Variants in RUNDC3B observed in about 807,000 individuals in gnomAD.
The protein encoded by RUNDC3B is RUN domain containing 3B, also known as RUN domain-containing protein 3B.
In RUNDC3B, 33 loss-of-function variants were observed where a neutral mutation model predicts 58.4. The ratio of observed to expected loss-of-function variants is 0.56; its 90% CI spans 0.43 to 0.75. The LOEUF is 0.75. Ranked by LOEUF, RUNDC3B falls within the 30% of genes least tolerant of loss-of-function variation. The pLI is 0.00. For synonymous variants in RUNDC3B, 193 were observed against 195.2 expected, an observed-to-expected ratio of 0.99 and a Z score of 0.10; for missense variants, 501 against 535.7, an observed-to-expected ratio of 0.94 and a Z score of 0.64.
intron 4 of RUNDC3B, among the ~76,000 whole-genome samples, chr7:87,720,574 G>GTT (rs1830822046): frequency 8.1e-6 from 1 of 122,968 alleles, no homozygotes; most frequent in South Asian, 2.8e-4. Context: ...GTGTGTGTGT[G>GTT]TATGCAATAA....
chr7:87,740,395 T>A (rs983580059), intron 5 of RUNDC3B, among the ~76,000 whole-genome samples: 1 of 152,118 alleles, frequency 6.6e-6, no homozygotes, highest in East Asian at 1.9e-4. Flanking sequence ...GGTTCTACAC[T>A]AAAATAACAA....
chr7:87,811,065 TTA>T (rs1836688384), intron 9 of RUNDC3B, among the ~76,000 whole-genome samples: 1 of 152,164 alleles, frequency 6.6e-6, no homozygotes, highest in Non-Finnish European at 1.5e-5. Flanking sequence ...TTTAATATCT[TTA>T]TATATATGTA....
At chr7:87,752,473 T>G (rs1457169668) in intron 6 of RUNDC3B, among the ~76,000 whole-genome samples, 1 of 152,184 alleles carries the variant, frequency 6.6e-6, no homozygotes, top group East Asian at 1.9e-4. Context: ...CATGTACCTC[T>G]GGTAGAATTC....
intron 1 of RUNDC3B, among the ~76,000 whole-genome samples, chr7:87,640,349 CTTTTTA>C (rs886323606): frequency 6.6e-6 from 1 of 151,432 alleles, no homozygotes; most frequent in Non-Finnish European, 1.5e-5. Context: ...CTTCTTTTTA[CTTTTTA>C]TTTTTATTTT....
At chr7:87,637,254 T>C (rs2130253444) in intron 1 of RUNDC3B, among the ~76,000 whole-genome samples, 1 of 152,340 alleles carries the variant, frequency 6.6e-6, no homozygotes, top group East Asian at 1.9e-4. Flanking sequence ...TGTGGTCTGT[T>C]TCTAGACTTT....
In RUNDC3B at chr7:87,633,258, C is replaced by T. The variant is rs146155509; in HGVS notation, c.122+4313C>T. 4.5e-3 allele frequency among the ~76,000 whole-genome samples: 692 copies of T among 152,258 alleles called. 5 individuals are homozygous for T. Among genetic ancestry groups the T allele is most frequent in the African/African-American group, 0.016 (653 of 41,554 alleles). On this transcript the variant is annotated intron_variant, in intron 1 of 10. Transcript: ENST00000394654. ...TTTGTATAACTGAAATTTATTTAAG[C>T]GCACAAGTTTAATCCACAACACATA...
At chr7:87,809,182 A>C (rs1340868094) in intron 9 of RUNDC3B, among the ~76,000 whole-genome samples, 1 of 152,138 alleles carries the variant, frequency 6.6e-6, no homozygotes, top group Non-Finnish European at 1.5e-5. Flanking sequence ...AGGCAAGGAA[A>C]CTTCCTGTTC....
chr7:87,830,154 G>C lies in RUNDC3B; in HGVS notation c.*124G>C. The C allele has an allele frequency of 2.2e-6, 1 of 450,750 alleles. No individual in the cohort carries two copies. The highest frequency in any genetic ancestry group is 7.6e-5 in the South Asian group (1 of 13,140). The allele number at this position is 450,750 out of a possible 1,614,324, so 27.9% of individuals were successfully genotyped here. A position where few individuals can be genotyped will look rare whatever the true frequency, so the allele number is the denominator to read the frequency against. ...CATGTCTGAAATTCTATTGCTTGGA[G>C]AGAATCCCCTCCAGATAAGAGATTT... On this transcript the variant is annotated 3_prime_UTR_variant, in exon 11 of 11. Coordinates refer to ENST00000394654, the MANE Select transcript of RUNDC3B (RefSeq NM_001134405.2).
chr7:87,701,002 T>C (rs1585139909), intron 3 of RUNDC3B, among the ~76,000 whole-genome samples: 3 of 152,210 alleles, frequency 2.0e-5, no homozygotes, highest in East Asian at 3.8e-4. Context: ...AGAATGACCA[T>C]GATGGTGCGG....
intron 6 of RUNDC3B, among the ~76,000 whole-genome samples, chr7:87,746,194 T>G (rs558592428): frequency 8.5e-5 from 13 of 152,302 alleles, no homozygotes; most frequent in African/African-American, 3.1e-4. Flanking sequence ...TTTCTTAAAT[T>G]TATTGAGGTT....
chr7:87,644,955 G>T (rs547601954), intron 1 of RUNDC3B, among the ~76,000 whole-genome samples: 2 of 151,992 alleles, frequency 1.3e-5, no homozygotes, highest in South Asian at 4.2e-4. Flanking sequence ...ATGTAATATG[G>T]ATGTAATTAA....
chr7:87,637,759 C>A (rs1025093800), intron 1 of RUNDC3B, among the ~76,000 whole-genome samples: 1 of 152,026 alleles, frequency 6.6e-6, no homozygotes, highest in South Asian at 2.1e-4. Context: ...AAATACTGGT[C>A]TTATATCTAA....
intron 4 of RUNDC3B, among the ~76,000 whole-genome samples, chr7:87,728,281 C>G (rs1831365725): frequency 6.6e-6 from 1 of 152,160 alleles, no homozygotes; most frequent in African/African-American, 2.4e-5. Flanking sequence ...AGTCAAAACA[C>G]TTCAAACTTT....
chr7:87,798,182 G>T (rs560886624), intron 8 of RUNDC3B, among the ~76,000 whole-genome samples: 45 of 152,204 alleles, frequency 3.0e-4, no homozygotes, highest in African/African-American at 9.9e-4. Flanking sequence ...TCAGTTTGTT[G>T]TTGTTAAAAT....
rs898318215 is a variant in RUNDC3B at position 87,715,495 on chromosome 7, AATTAT to A, written c.458+4848_458+4852del. Among the ~76,000 whole-genome samples, 56 of 132,626 alleles carry A rather than the reference AATTAT, an allele frequency of 4.2e-4. 1 individual carries two copies. In the Middle Eastern group the frequency reaches 0.011, roughly 26 times the overall value. 87.0% of individuals were successfully genotyped at this position (132,626 alleles called of 152,430 possible). A position where few individuals can be genotyped will look rare whatever the true frequency, so the allele number is the denominator to read the frequency against. On this transcript the variant is annotated intron_variant, in intron 4 of 10. Coordinates refer to ENST00000394654, the MANE Select transcript of RUNDC3B (RefSeq NM_001134405.2). The stretch of plus-strand genomic sequence containing the variant: ...ATATTAATATATAAATAATACATAT[AATTAT>A]ATTATATATAATTAATTATATATAT...
chr7:87,769,306 C>A (rs973697071), intron 6 of RUNDC3B, among the ~76,000 whole-genome samples: 1 of 152,144 alleles, frequency 6.6e-6, no homozygotes, highest in African/African-American at 2.4e-5. Context: ...CTAATATGCC[C>A]AGCCCCTTAT....
At position 87,742,035 on chromosome 7, in the gene RUNDC3B, C is replaced by A. The variant is rs540987900; in HGVS notation, c.629+456C>A. On this transcript the variant is annotated intron_variant, in intron 6 of 10. Coordinates refer to ENST00000394654, the MANE Select transcript of RUNDC3B (RefSeq NM_001134405.2). ...AAATTATCTGAAAAATCTGATGACT[C>A]TTAAAATATGTCTTTTAAAGAGTTG... Among the ~76,000 whole-genome samples the A allele has an allele frequency of 1.4e-4, 21 of 152,240 alleles. No homozygotes were observed. In the South Asian group the frequency reaches 4.4e-3, roughly 32 times the overall value.
chr7:87,672,824 A>T (rs2157929), intron 2 of RUNDC3B, among the ~76,000 whole-genome samples: 1 of 151,514 alleles, frequency 6.6e-6, no homozygotes, highest in African/African-American at 2.4e-5. Context: ...GCTCTGCGTT[A>T]CTCCTGGGTG....
chr7:87,763,730 C>T (rs1297347022), intron 6 of RUNDC3B, among the ~76,000 whole-genome samples: 1 of 151,524 alleles, frequency 6.6e-6, no homozygotes, highest in East Asian at 1.9e-4. Flanking sequence ...TTATTATCAG[C>T]CATTAATTTT....
Sources: allele counts gnomAD v4.1 joint callset (sites outside exome capture counted in the v4.1 genomes callset), GRCh38; gene constraint gnomAD v4.1.1; transcripts MANE v1.5; gene names NCBI Gene and HGNC (gene_info 2026-07-23, HGNC 2026-07-21).